RBM28: variants seen among roughly 807,000 people sequenced by gnomAD.
The protein encoded by RBM28 is RNA-binding protein 28.
In RBM28, 78 loss-of-function variants were observed where a neutral mutation model predicts 98.3. The ratio of observed to expected loss-of-function variants is 0.79; its 90% confidence interval spans 0.66 to 0.96. The LOEUF is 0.96. Ranked by LOEUF, RBM28 falls within the 40% of genes least tolerant of loss-of-function variation. RBM28 has a pLI of 0.00. For missense variants in RBM28, 838 were observed against 913.0 expected (o/e 0.92, Z 1.06); for synonymous variants, 306 against 330.9 (o/e 0.92, Z 0.82).
chr7:128,337,352 A>G (rs1374606233), intron 5 of RBM28, 150 bp from the exon 6 acceptor site: 4 of 819,122 alleles, frequency 4.9e-6, no homozygotes, highest in Non-Finnish European at 8.2e-6. Context: ...TAAAGCTCCT[A>G]GTCACTGCCT....
intron 9 of RBM28, 60 bp from the exon 10 acceptor site, chr7:128,330,988 T>G: frequency 8.9e-7 from 1 of 1,124,340 alleles, no homozygotes; most frequent in Admixed American, 1.7e-5. Context: ...GATCCTATGT[T>G]CCAGGACAAT....
intron 9 of RBM28, 58 bp from the exon 10 acceptor site, chr7:128,330,986 G>C: frequency 8.7e-7 from 1 of 1,149,326 alleles, no homozygotes; most frequent in African/African-American, 1.5e-5. Context: ...GAGATCCTAT[G>C]TTCCAGGACA....
chr7:128,317,972 G>C lies in RBM28; in HGVS notation c.1698C>G (p.Ile566Met). Residue 566 changes from isoleucine (I) to methionine (M), a missense_variant, in exon 15 of 19, where the codon ATC (isoleucine) becomes ATG (methionine). Ile to Met is a conservative substitution (Grantham distance 10). Transcript: ENST00000223073. Reference protein sequence around the residue: ...ALRLINNNPEIFGPLKRPIVE... With the variant: ...ALRLINNNPEMFGPLKRPIVE... ...CAAGGCCTACCTTCAGAGGCCCAAA[G>C]ATTTCTGGATTGTTGTTGATGAGGC... The C allele has an allele frequency of 6.2e-7, 1 of 1,614,194 alleles. No individual in the cohort carries two copies. The highest frequency in any genetic ancestry group is 8.5e-7 in the Non-Finnish European group (1 of 1,180,044).
Position 128,338,740 on chromosome 7 carries a change from A to C in RBM28, c.434T>G (p.Ile145Ser), listed in dbSNP as rs748650470. Reference protein sequence around the residue: ...AQFGAVLEVNIPRKPDGKMRG... With the variant: ...AQFGAVLEVNSPRKPDGKMRG... ...TTTATTAGTACCTGGTTTCCTAGGG[A>C]TATTTACTTCCAGGACAGCTCCAAA... Residue 145 changes from isoleucine (I) to serine (S), a missense_variant, in exon 4 of 19, where the codon ATC becomes AGC. Transcript: ENST00000223073. 1.2e-6 allele frequency: 2 copies of C among 1,603,830 alleles called. No individual in the cohort carries two copies. The highest frequency in any genetic ancestry group is 1.7e-6 in the Non-Finnish European group (2 of 1,170,718).
chr7:128,336,084 C>T, intron 6 of RBM28, 42 bp from the exon 7 acceptor site: 2 of 1,537,660 alleles, frequency 1.3e-6, no homozygotes, highest in Non-Finnish European at 1.8e-6. Flanking sequence ...ATTTAATATC[C>T]AAAACAATGT....
At chr7:128,337,049 T>C in intron 6 of RBM28, 82 bp downstream of exon 6, 1 of 1,453,704 alleles carries the variant, frequency 6.9e-7, no homozygotes. Context: ...TCTTACACTT[T>C]TATCATGAAC....
At chr7:128,323,062 T>G (rs1253273674) in intron 13 of RBM28, among the ~76,000 whole-genome samples, 1 of 152,144 alleles carries the variant, frequency 6.6e-6, no homozygotes, top group Non-Finnish European at 1.5e-5. Context: ...AAATGGAGTT[T>G]TTCTAAAATG....
chr7:128,342,052 G>C (rs776423816), intron 1 of RBM28, among the ~76,000 whole-genome samples: 4 of 152,126 alleles, frequency 2.6e-5, no homozygotes, highest in Non-Finnish European at 5.9e-5. Flanking sequence ...ATAGCTACTT[G>C]GGAGGCTGAA....
At chr7:128,328,690 T>C (rs1291774748) in intron 10 of RBM28, among the ~76,000 whole-genome samples, 2 of 152,144 alleles carry the variant, frequency 1.3e-5, no homozygotes, top group African/African-American at 2.4e-5. Context: ...AGTAAAGCAA[T>C]ATCATACCAC....
At position 128,343,708 on chromosome 7, in the gene RBM28, G is replaced by A. The variant is rs757130468; in HGVS notation, c.86C>T (p.Pro29Leu). 1.2e-6 allele frequency: 2 copies of A among 1,611,468 alleles called. No individual in the cohort carries two copies. The highest frequency in any genetic ancestry group is 2.2e-5 in the South Asian group (2 of 90,700). The change falls in exon 1 of 19, where the codon CCG becomes CTG. Residue 29 changes from proline (P) to leucine (L), a missense_variant. Transcript: ENST00000223073. Reference sequence around the variant, plus strand: ...AGTCACCACGAAGCACTGCTTCACCGGCCCCACCTGACTGAACAGTTCCTC... The same window carrying A: ...AGTCACCACGAAGCACTGCTTCACCAGCCCCACCTGACTGAACAGTTCCTC... ...QLEELFSQVG[P>L]VKQCFVVTEK...
chr7:128,330,771 G>T (rs747905915), intron 10 of RBM28, 48 bp downstream of exon 10: 1 of 1,309,986 alleles, frequency 7.6e-7, no homozygotes. Context: ...CAGTGCCCAC[G>T]GCAGTGGTCT....
chr7:128,307,606 T>C lies in RBM28; in HGVS notation c.*3191A>G, dbSNP rs1395362654. ...ACAGGTTAACTCCAGAAGAAGGAAC[T>C]GTACAGCTGAACAGAGCAGATTCTT... On this transcript the variant is annotated 3_prime_UTR_variant, in exon 19 of 19. Coordinates refer to ENST00000223073, the MANE Select transcript of RBM28 (RefSeq NM_018077.3). 6.6e-6 allele frequency: 1 copy of C among 152,190 alleles called. No homozygotes were observed. The highest frequency in any genetic ancestry group is 1.5e-5 in the Non-Finnish European group (1 of 68,036). The allele number at this position is 152,190 out of a possible 1,614,324, so 9.4% of individuals were successfully genotyped here. A position where few individuals can be genotyped will look rare whatever the true frequency, so the allele number is the denominator to read the frequency against.
At chr7:128,319,292 C>T (rs942251135) in intron 14 of RBM28, among the ~76,000 whole-genome samples, 2 of 152,148 alleles carry the variant, frequency 1.3e-5, no homozygotes, top group Non-Finnish European at 2.9e-5. Flanking sequence ...AGACACTATA[C>T]ATACAAATAG....
At chr7:128,312,769 C>T (rs1366250276) in intron 18 of RBM28, among the ~76,000 whole-genome samples, 1 of 152,002 alleles carries the variant, frequency 6.6e-6, no homozygotes, top group African/African-American at 2.4e-5. Flanking sequence ...TGATAAAGGG[C>T]TTATTAGTTT....
intron 1 of RBM28, chr7:128,341,237 A>G: frequency 8.1e-7 from 1 of 1,228,906 alleles, no homozygotes; most frequent in South Asian, 1.3e-5. Flanking sequence ...AAGCAACATA[A>G]CATCAATTTT....
intron 8 of RBM28, 35 bp from the exon 9 acceptor site, chr7:128,333,397 A>G: frequency 1.3e-6 from 2 of 1,497,548 alleles, no homozygotes; most frequent in South Asian, 2.3e-5. Context: ...ACTGAAAGAG[A>G]TTAGTGTAAG....
In RBM28 at chr7:128,314,753, C is replaced by T; in HGVS notation, c.2045+11G>A. 6.2e-7 allele frequency: 1 copy of T among 1,614,260 alleles called. No homozygotes were observed. On this transcript the variant is annotated intron_variant, in intron 17 of 18. Transcript: ENST00000223073. ...CCCACTGTTCTGTGCTTCTGCCCTC[C>T]TGCATCTCACCTGATTTTGGGGCCT... is the stretch of plus-strand genomic sequence containing the variant.
rs1307836664 is a variant in RBM28, at chr7:128,297,983, A to G, written c.*12814T>C. On this transcript the variant is annotated 3_prime_UTR_variant, in exon 19 of 19. Coordinates refer to ENST00000223073, the MANE Select transcript of RBM28 (RefSeq NM_018077.3). Reference sequence around the variant, plus strand: ...AGGGGAACATCACACTCTGGGGACTATTGAGGGGTGGGGGGAGGGGGGAGG... The same window carrying G: ...AGGGGAACATCACACTCTGGGGACTGTTGAGGGGTGGGGGGAGGGGGGAGG... 1 of 115,036 alleles carries G rather than the reference A, an allele frequency of 8.7e-6. No homozygotes were observed. The highest frequency in any genetic ancestry group is 1.7e-5 in the Non-Finnish European group (1 of 58,712). The allele number at this position is 115,036 out of a possible 1,614,324, so 7.1% of individuals were successfully genotyped here.
chr7:128,317,967 C>T lies in RBM28; in HGVS notation c.1703G>A (p.Gly568Glu). 6.2e-7 allele frequency: 1 copy of T among 1,614,104 alleles called. No individual in the cohort carries two copies. Among genetic ancestry groups the T allele is most frequent in the Admixed American group, 1.7e-5 (1 of 60,026 alleles). The change falls in exon 15 of 19, where the codon GGG becomes GAG. Residue 568 changes from glycine to glutamate, a missense_variant. Physicochemically the swap from Gly to Glu is moderately conservative, Grantham distance 98. Coordinates refer to ENST00000223073, the MANE Select transcript of RBM28 (RefSeq NM_018077.3). ...RLINNNPEIF[G>E]PLKRPIVEFS... is the part of the protein sequence containing the mutation. The stretch of plus-strand genomic sequence containing the variant: ...GAGGACAAGGCCTACCTTCAGAGGC[C>T]CAAAGATTTCTGGATTGTTGTTGAT...
Sources: gnomAD v4.1 joint callset for allele counts (sites outside exome capture counted in the v4.1 genomes callset) on GRCh38, gnomAD v4.1.1 for gene constraint, MANE v1.5 for transcripts, NCBI Gene and HGNC (gene_info 2026-07-23, HGNC 2026-07-21) for gene names.